Variants in NTRK1 observed in about 807,000 individuals in gnomAD.
NTRK1 encodes high affinity nerve growth factor receptor.
A neutral mutation model predicts 86.8 loss-of-function variants in NTRK1; 62 were observed. The observed-to-expected ratio is 0.71, with a 90% confidence interval of 0.58 to 0.88. The LOEUF is 0.88. Among genes scored for constraint, NTRK1 ranks in the 40% least tolerant of loss-of-function variants. The probability of loss-of-function intolerance (pLI) is 0.00; values close to 1 mark genes in which losing one functional copy is unlikely to be tolerated. For synonymous variants in NTRK1, 469 were observed against 456.6 expected (o/e 1.03, Z -0.35); for missense variants, 967 against 1,078.4 (o/e 0.90, Z 1.45).
intron 1 of NTRK1, among the ~76,000 whole-genome samples, chr1:156,834,370 G>T (rs1386009020): frequency 1.3e-5 from 2 of 152,208 alleles, no homozygotes; most frequent in African/African-American, 4.8e-5. Flanking sequence ...ATATCATGAT[G>T]CTGGAAAGGC....
chr1:156,816,656 C>A, intron 1 of NTRK1: 1 of 1,600,622 alleles, frequency 6.2e-7, no homozygotes. Context: ...CCACCCATAT[C>A]CTTCAACTTC....
chr1:156,848,238 T>C (rs754628530), intron 2 of NTRK1, among the ~76,000 whole-genome samples: 61 of 151,998 alleles, frequency 4.0e-4, no homozygotes, highest in Non-Finnish European at 8.1e-4. Context: ...GTCAGCTAAG[T>C]CCTCTCCATT....
chr1:156,846,573 T>C (rs747114380), intron 2 of NTRK1: 1 of 1,614,214 alleles, frequency 6.2e-7, no homozygotes, highest in Non-Finnish European at 8.5e-7. Context: ...TGATGAGGGC[T>C]GTCCTCCTCA....
At chr1:156,840,750 C>A (rs2102851129) in intron 1 of NTRK1, 2 of 752,656 alleles carry the variant, frequency 2.7e-6, no homozygotes, top group Non-Finnish European at 4.5e-6. Context: ...CTGTTCTCTG[C>A]CCCACCCTCG....
chr1:156,849,041 G>A (rs559542501), intron 2 of NTRK1: 4 of 1,613,156 alleles, frequency 2.5e-6, no homozygotes, highest in East Asian at 2.2e-5. Flanking sequence ...CAGGGTGCGA[G>A]TCTGGCCTGG....
chr1:156,842,788 A>G (rs1436007223), intron 2 of NTRK1, among the ~76,000 whole-genome samples: 1 of 152,136 alleles, frequency 6.6e-6, no homozygotes, highest in African/African-American at 2.4e-5. Context: ...AGCCCCAATC[A>G]TGACTGATCT....
intron 12 of NTRK1, 67 bp downstream of exon 12, chr1:156,875,733 G>GTGTA: frequency 6.5e-7 from 1 of 1,548,500 alleles, no homozygotes. Flanking sequence ...GTGTGTGTGT[G>GTGTA]TGTAGAAGCC....
At chr1:156,872,274 G>A (rs997557464) in intron 7 of NTRK1, among the ~76,000 whole-genome samples, 1 of 151,996 alleles carries the variant, frequency 6.6e-6, no homozygotes, top group East Asian at 1.9e-4. Flanking sequence ...CCAGCATCAC[G>A]GAAGATCCCC....
chr1:156,848,782 A>G (rs1655096230), intron 2 of NTRK1: 3 of 1,004,544 alleles, frequency 3.0e-6, no homozygotes, highest in Non-Finnish European at 4.3e-6. Flanking sequence ...CCTGGGCCCT[A>G]CCACGGAGTA....
At chr1:156,824,014 T>C (rs1403364364) in intron 1 of NTRK1, among the ~76,000 whole-genome samples, 1 of 152,200 alleles carries the variant, frequency 6.6e-6, no homozygotes, top group East Asian at 1.9e-4. Flanking sequence ...AGTAGGTTCC[T>C]AGGGAGGCAC....
chr1:156,855,918 CGT>C (rs57540966), upstream of NTRK1, among the ~76,000 whole-genome samples: 22 of 149,216 alleles, frequency 1.5e-4, no homozygotes, highest in Non-Finnish European at 1.8e-4. Context: ...GACTAATGTG[CGT>C]GTGTGTGTGT....
At chr1:156,846,542 A>G (rs781060476) in intron 2 of NTRK1, 2 of 1,614,078 alleles carry the variant, frequency 1.2e-6, no homozygotes, top group Non-Finnish European at 8.5e-7. Flanking sequence ...TCGGAGGTAG[A>G]CGATGGGACT....
rs745609835 is a variant in NTRK1 at position 156,875,469 on chromosome 1, C to T, written c.1355-51C>T. 10 of 1,611,322 alleles carry T rather than the reference C, an allele frequency of 6.2e-6. No homozygotes were observed. In the Admixed American group the frequency reaches 1.7e-4, roughly 27 times the overall value. On this transcript the variant is annotated intron_variant, in intron 11 of 16. Coordinates refer to ENST00000524377, the MANE Select transcript of NTRK1 (RefSeq NM_002529.4). ...CAGGCATCCTGCAGGCAAGGGTGGG[C>T]AGGGCCAAGGTGTGGGCAAACCCCT...
chr1:156,853,795 C>T, intron 2 of NTRK1: 1 of 1,610,308 alleles, frequency 6.2e-7, no homozygotes, highest in South Asian at 1.1e-5. Context: ...AGTCAGTGTG[C>T]CCGCTGAAGG....
rs1655351012 is a variant in NTRK1 at position 156,854,825 on chromosome 1, C to T, written c.51-9529C>T. Reference sequence around the variant, plus strand: ...CTATGGGCCATTCTCCACTCTGCAGCCAGAGTGATCTCAAAACACAGATGG... The same window carrying T: ...CTATGGGCCATTCTCCACTCTGCAGTCAGAGTGATCTCAAAACACAGATGG... On this transcript the variant is annotated intron_variant, in intron 2 of 16. Transcript: ENST00000392302. This position sits in a 1 kb window ranked among gnomAD's most constrained non-coding sequence, Gnocchi z 4.2. Among the ~76,000 whole-genome samples, 1 of 152,092 alleles carries T rather than the reference C, an allele frequency of 6.6e-6. No homozygotes were observed. The highest frequency in any genetic ancestry group is 1.5e-5 in the Non-Finnish European group (1 of 68,014).
chr1:156,832,803 G>A (rs1468225303), intron 1 of NTRK1, among the ~76,000 whole-genome samples: 1 of 152,192 alleles, frequency 6.6e-6, no homozygotes, highest in East Asian at 1.9e-4. Context: ...TGCTCTTGTA[G>A]CATTTGGTTC....
At position 156,845,239 on chromosome 1, in the gene NTRK1, C is replaced by G. The variant is rs569399383; in HGVS notation, c.50+3046C>G. On this transcript the variant is annotated intron_variant, in intron 2 of 16. Transcript: ENST00000392302. ...CCTTGTCCTCCTGGATCTCGAAATCCGAGCTGTTGCCCCCCAGCCGGAGGG... is the reference window on the plus strand; with the variant it reads ...CCTTGTCCTCCTGGATCTCGAAATCGGAGCTGTTGCCCCCCAGCCGGAGGG... 33 of 1,610,520 alleles carry G rather than the reference C, an allele frequency of 2.0e-5. No homozygotes were observed. The Admixed American group carries it at 3.7e-4, about 18-fold the overall frequency.
intron 6 of NTRK1, among the ~76,000 whole-genome samples, chr1:156,871,123 C>T (rs748767189): frequency 1.3e-4 from 20 of 152,194 alleles, no homozygotes; most frequent in African/African-American, 4.3e-4. Context: ...GGGTCTCCAA[C>T]GAGCTGTGTA....
chr1:156,864,290 T>C (rs1244184005), intron 1 of NTRK1, 64 bp from the exon 2 acceptor site: 1 of 1,500,146 alleles, frequency 6.7e-7, no homozygotes, highest in Non-Finnish European at 9.3e-7. Context: ...AGGGAGTAAG[T>C]GGGTGGGCAT....
Sources: gnomAD v4.1 joint callset for allele counts (sites outside exome capture counted in the v4.1 genomes callset) on GRCh38, gnomAD v4.1.1 for gene constraint, Gnocchi (gnomAD v3.1) non-coding constraint, MANE v1.5 for transcripts, NCBI Gene and HGNC (gene_info 2026-07-23, HGNC 2026-07-21) for gene names.